SYK: variants seen among roughly 807,000 people sequenced by gnomAD.
SYK encodes the protein spleen associated tyrosine kinase.
Under a neutral mutation model 77.8 loss-of-function variants are expected in SYK, and 16 were observed. That is an observed-to-expected ratio of 0.21 (90% CI 0.14 to 0.31). SYK has a LOEUF of 0.31. SYK is among the 10% of genes least tolerant of loss of function. SYK has a pLI of 1.00. For synonymous variants in SYK, 312 were observed against 308.7 expected (o/e 1.01, Z -0.11); for missense variants, 529 against 814.4 (o/e 0.65, Z 4.26).
chr9:90,885,791 C>A (rs180767875), intron 11 of SYK, among the ~76,000 whole-genome samples: 11 of 152,150 alleles, frequency 7.2e-5, no homozygotes, highest in Non-Finnish European at 1.2e-4. Flanking sequence ...AAAAGAAAAT[C>A]TTCTAATTAC....
At chr9:90,813,426 C>T (rs1013577130) in intron 1 of SYK, among the ~76,000 whole-genome samples, 1 of 149,570 alleles carries the variant, frequency 6.7e-6, no homozygotes, top group African/African-American at 2.4e-5. Flanking sequence ...TGGCTTAGAC[C>T]TGTAAACATC....
At chr9:90,863,467 C>A (rs1800860304) in intron 4 of SYK, among the ~76,000 whole-genome samples, 3 of 152,088 alleles carry the variant, frequency 2.0e-5, no homozygotes, top group South Asian at 2.1e-4. Flanking sequence ...CTTAAACTTA[C>A]TACTTCCAAA....
rs1828666531 is a variant in SYK at position 90,888,552 on chromosome 9, A to C, written c.1760A>C (p.Lys587Thr). The change falls in exon 13 of 14, where the codon AAA becomes ACA. Residue 587 changes from lysine to threonine, a missense_variant. Transcript: ENST00000375754. ...AGTGAAGTCACCGCTATGTTAGAGA[A>C]AGGAGAGCGGATGGGGTGCCCTGCA... is the stretch of plus-strand genomic sequence containing the variant. Reference protein sequence around the residue: ...KGSEVTAMLEKGERMGCPAGC... With the variant: ...KGSEVTAMLETGERMGCPAGC... The C allele has an allele frequency of 2.5e-6, 4 of 1,613,250 alleles. No homozygotes were observed. The highest frequency in any genetic ancestry group is 3.4e-6 in the Non-Finnish European group (4 of 1,179,754).
At chr9:90,824,449 C>T (rs897506610) in intron 1 of SYK, among the ~76,000 whole-genome samples, 3 of 152,086 alleles carry the variant, frequency 2.0e-5, no homozygotes, top group Non-Finnish European at 4.4e-5. Context: ...AGCAATATTA[C>T]TTATATATAC....
chr9:90,877,770 C>T lies in SYK; in HGVS notation c.1381C>T (p.Gln461Ter), dbSNP rs2118889104. ...ACTTGGTCCCCTCAATAAGTATTTGCAGCAGAACAGGTATTGTCAGGTGCC... is the reference window on the plus strand; with the variant it reads ...ACTTGGTCCCCTCAATAAGTATTTGTAGCAGAACAGGTATTGTCAGGTGCC... ...AELGPLNKYL[Q>*]QNRHVKDKNI... is the part of the protein sequence containing the mutation. Residue 461 changes from glutamine to a stop codon, truncating the protein, a stop_gained, in exon 10 of 14, where the codon CAG becomes TAG. Coordinates refer to ENST00000375754, the MANE Select transcript of SYK (RefSeq NM_003177.7). LOFTEE classifies it high-confidence loss of function. The T allele has an allele frequency of 6.2e-7, 1 of 1,614,168 alleles. No individual in the cohort carries two copies. The highest frequency in any genetic ancestry group is 8.5e-7 in the Non-Finnish European group (1 of 1,180,010).
At chr9:90,877,829 G>C in intron 10 of SYK, 49 bp downstream of exon 10, 1 of 1,604,524 alleles carries the variant, frequency 6.2e-7, no homozygotes, top group South Asian at 1.1e-5. Context: ...CTAAGGGACA[G>C]GGCCCACCCC....
At chr9:90,851,401 G>T (rs540848700) in intron 3 of SYK, among the ~76,000 whole-genome samples, 1 of 152,212 alleles carries the variant, frequency 6.6e-6, no homozygotes, top group African/African-American at 2.4e-5. Flanking sequence ...GAAGAATAAC[G>T]AATATAAACA....
chr9:90,884,392 T>TAC (rs1554714459), intron 11 of SYK, among the ~76,000 whole-genome samples: 3 of 62,720 alleles, frequency 4.8e-5, no homozygotes, highest in Non-Finnish European at 9.5e-5. Flanking sequence ...TATATATGCA[T>TAC]ACATACACAT....
chr9:90,871,385 A>C (rs1196360742), intron 7 of SYK, among the ~76,000 whole-genome samples: 2 of 152,264 alleles, frequency 1.3e-5, no homozygotes, highest in African/African-American at 4.8e-5. Flanking sequence ...TAAAGAATAA[A>C]AGGTTAATAG....
At chr9:90,831,699 G>A (rs553331595) in intron 1 of SYK, among the ~76,000 whole-genome samples, 60 of 152,156 alleles carry the variant, frequency 3.9e-4, no homozygotes, top group African/African-American at 1.2e-3. Context: ...CATTTGTGAC[G>A]TGCACAAAGC....
intron 10 of SYK, among the ~76,000 whole-genome samples, chr9:90,878,229 T>C (rs1012025904): frequency 6.6e-6 from 1 of 152,250 alleles, no homozygotes; most frequent in African/African-American, 2.4e-5. Flanking sequence ...CACTGCTAAT[T>C]GATTACATCC....
At chr9:90,888,452 T>G in intron 12 of SYK, 63 bp from the exon 13 acceptor site, 1 of 1,252,060 alleles carries the variant, frequency 8.0e-7, no homozygotes, top group Non-Finnish European at 1.1e-6. Flanking sequence ...GAGTGGCTGT[T>G]TTGTTTTGTT....
At chr9:90,887,595 G>A (rs754325945) in intron 11 of SYK, among the ~76,000 whole-genome samples, 154 bp from the exon 12 acceptor site, 2 of 151,768 alleles carry the variant, frequency 1.3e-5, no homozygotes, top group Non-Finnish European at 2.9e-5. Flanking sequence ...TAATAGAGAT[G>A]GGGTTTCCTC....
intron 11 of SYK, among the ~76,000 whole-genome samples, chr9:90,883,425 T>C (rs1016930570): frequency 5.9e-5 from 9 of 152,020 alleles, no homozygotes; most frequent in African/African-American, 2.2e-4. Flanking sequence ...CACTTTCACA[T>C]GCCACAAAAA....
intron 1 of SYK, among the ~76,000 whole-genome samples, chr9:90,836,545 C>T (rs1001351129): frequency 6.6e-6 from 1 of 152,148 alleles, no homozygotes; most frequent in African/African-American, 2.4e-5. Context: ...AATTTCATAG[C>T]CACTTCCTGT....
At chr9:90,804,199 G>A (rs561900823) in intron 1 of SYK, among the ~76,000 whole-genome samples, 1 of 152,252 alleles carries the variant, frequency 6.6e-6, no homozygotes, top group African/African-American at 2.4e-5. Flanking sequence ...GTCTTAAATA[G>A]CAAGATTTTA....
chr9:90,863,597 TCATTGC>T (rs1452359636), intron 4 of SYK, among the ~76,000 whole-genome samples: 1 of 152,246 alleles, frequency 6.6e-6, no homozygotes, highest in East Asian at 1.9e-4. Context: ...ATTTTGTGGC[TCATTGC>T]CATTTGTCAT....
chr9:90,893,535 G>A (rs950625987), intron 13 of SYK, among the ~76,000 whole-genome samples: 5 of 152,158 alleles, frequency 3.3e-5, no homozygotes, highest in African/African-American at 4.8e-5. Context: ...AGTCTCATTA[G>A]CACAAACCCA....
At chr9:90,856,770 C>T (rs2118744432) in intron 3 of SYK, among the ~76,000 whole-genome samples, 1 of 152,192 alleles carries the variant, frequency 6.6e-6, no homozygotes, top group South Asian at 2.1e-4. Flanking sequence ...CTCTCTCTTT[C>T]CCTCCCTACC....
Sources: gnomAD v4.1 joint callset for allele counts (sites outside exome capture counted in the v4.1 genomes callset) on GRCh38, gnomAD v4.1.1 for gene constraint, MANE v1.5 for transcripts, NCBI Gene and HGNC (gene_info 2026-07-23, HGNC 2026-07-21) for gene names.